The following DUS2 variants were observed in gnomAD, a reference collection of about 807,000 sequenced individuals.
The protein encoded by DUS2 is tRNA-dihydrouridine(20) synthase [NAD(P)+]-like.
Under a neutral mutation model 71.3 loss-of-function variants are expected in DUS2, and 52 were observed. The observed-to-expected ratio is 0.73, with a 90% CI of 0.58 to 0.92. The LOEUF (loss-of-function observed/expected upper bound fraction) is 0.92. Among genes scored for constraint, DUS2 ranks in the 40% least tolerant of loss-of-function variants. The pLI is 0.00. For missense variants in DUS2, 558 were observed against 622.6 expected, an observed-to-expected ratio of 0.90 and a Z score of 1.10; for synonymous variants, 204 against 227.8, an observed-to-expected ratio of 0.90 and a Z score of 0.94.
At chr16:68,040,364 T>C (rs956573703) in intron 3 of DUS2, among the ~76,000 whole-genome samples, 1 of 152,144 alleles carries the variant, frequency 6.6e-6, no homozygotes, top group East Asian at 1.9e-4. Flanking sequence ...ATTATAGGTG[T>C]GAGACACTGC....
chr16:68,034,690 A>G (rs534312757), intron 2 of DUS2, among the ~76,000 whole-genome samples: 2 of 152,218 alleles, frequency 1.3e-5, no homozygotes, highest in South Asian at 4.1e-4. Flanking sequence ...AGAGGAGACC[A>G]TATTTGGTTA....
At chr16:68,047,480 T>C (rs892343233) in intron 3 of DUS2, among the ~76,000 whole-genome samples, 3 of 152,032 alleles carry the variant, frequency 2.0e-5, no homozygotes, top group South Asian at 2.1e-4. Context: ...TTGTTGTTGT[T>C]GTCATTGTTG....
intron 2 of DUS2, 124 bp from the exon 3 acceptor site, chr16:68,037,882 A>G: frequency 9.8e-7 from 1 of 1,023,194 alleles, no homozygotes; most frequent in Non-Finnish European, 1.4e-6. Context: ...AACATAAACA[A>G]CCAACCAAAA....
intron 8 of DUS2, among the ~76,000 whole-genome samples, chr16:68,065,800 T>C (rs1484882728): frequency 1.3e-5 from 2 of 151,140 alleles, no homozygotes; most frequent in African/African-American, 2.4e-5. Flanking sequence ...CTTTTTTTCT[T>C]ACTTTTTTTT....
At chr16:68,073,965 C>G (rs1180884952) in intron 12 of DUS2, 69 bp from the exon 13 acceptor site, 2 of 1,593,040 alleles carry the variant, frequency 1.3e-6, no homozygotes, top group Non-Finnish European at 1.7e-6. Context: ...AGCTCCTTTC[C>G]CTGCCATCAG....
intron 3 of DUS2, among the ~76,000 whole-genome samples, chr16:68,042,611 G>A (rs1213949205): frequency 6.6e-6 from 1 of 152,200 alleles, no homozygotes; most frequent in Non-Finnish European, 1.5e-5. Flanking sequence ...CTGGGCTCAA[G>A]GGATCCTCCT....
intron 7 of DUS2, among the ~76,000 whole-genome samples, chr16:68,057,880 CAAAA>C (rs5817628): frequency 5.4e-5 from 5 of 92,114 alleles, no homozygotes; most frequent in Admixed American, 1.1e-4. Flanking sequence ...AAATCTGTCT[CAAAA>C]AAAAAAAAAA....
intron 3 of DUS2, among the ~76,000 whole-genome samples, chr16:68,049,081 A>G (rs534237619): frequency 2.6e-5 from 4 of 151,876 alleles, no homozygotes; most frequent in Admixed American, 6.6e-5. Context: ...CTTTGCTTCT[A>G]TTCTCTGGTT....
chr16:68,040,835 G>T (rs998914660), intron 3 of DUS2, among the ~76,000 whole-genome samples: 2 of 152,038 alleles, frequency 1.3e-5, no homozygotes, highest in Non-Finnish European at 2.9e-5. Flanking sequence ...TGGCGGGGGG[G>T]AGTTGATGTG....
intron 4 of DUS2, among the ~76,000 whole-genome samples, chr16:68,053,323 C>T (rs866802937): frequency 1.1e-4 from 16 of 152,224 alleles, no homozygotes; most frequent in African/African-American, 3.1e-4. Flanking sequence ...GCATTAAACA[C>T]AAACATGCAG....
At chr16:68,034,486 G>A (rs1454664169) in intron 2 of DUS2, among the ~76,000 whole-genome samples, 4 of 152,054 alleles carry the variant, frequency 2.6e-5, no homozygotes. Context: ...CCAAGTAACC[G>A]GGACTATAGG....
Position 68,025,502 on chromosome 16 carries a change from T to C in DUS2, c.-19+8T>C, listed in dbSNP as rs142083963. On this transcript the variant is annotated splice_region_variant and intron_variant, in intron 2 of 16. Coordinates refer to ENST00000565263, the MANE Select transcript of DUS2 (RefSeq NM_017803.5). The stretch of plus-strand genomic sequence containing the variant: ...ATCAGAACAAAATAATAGGTATGTA[T>C]ATGCATTTGGGTTTTTGGGTTTTGT... 1.6e-4 allele frequency: 25 copies of C among 152,284 alleles called. No individual in the cohort carries two copies. Among genetic ancestry groups the C allele is most frequent in the African/African-American group, 5.1e-4 (21 of 41,564 alleles). 9.4% of individuals were successfully genotyped at this position (152,284 alleles called of 1,614,324 possible). A position where few individuals can be genotyped will look rare whatever the true frequency, so the allele number is the denominator to read the frequency against.
In DUS2 at chr16:68,056,432, G is replaced by C. The variant is rs2033851997; in HGVS notation, c.369+8G>C. ...AAACAATATTCCACCAAGGTAAACT[G>C]GTTTCTTTATACTCCTCATAAACAT... On this transcript the variant is annotated splice_region_variant and intron_variant, in intron 7 of 16. Coordinates refer to ENST00000565263, the MANE Select transcript of DUS2 (RefSeq NM_017803.5). The C allele has an allele frequency of 6.2e-7, 1 of 1,610,672 alleles. No homozygotes were observed. The highest frequency in any genetic ancestry group is 1.3e-5 in the African/African-American group (1 of 74,932).
intron 2 of DUS2, among the ~76,000 whole-genome samples, chr16:68,025,811 A>G (rs966689625): frequency 6.6e-6 from 1 of 152,146 alleles, no homozygotes; most frequent in African/African-American, 2.4e-5. Context: ...AAAAAAATCT[A>G]AGCTCCTGAG....
At position 68,045,551 on chromosome 16, in the gene DUS2, C is replaced by T. The variant is rs539307853; in HGVS notation, c.127-3954C>T. 5.3e-5 allele frequency among the ~76,000 whole-genome samples: 8 copies of T among 150,792 alleles called. No homozygotes were observed. The South Asian group carries it at 1.5e-3, about 28-fold the overall frequency. On this transcript the variant is annotated intron_variant, in intron 3 of 16. Coordinates refer to ENST00000565263, the MANE Select transcript of DUS2 (RefSeq NM_017803.5). ...GCTCGAACCCAGGAGGTGGAGGTTG[C>T]AGTGAGCCGAGATCACGCCACTGCA...
chr16:68,052,341 T>C (rs1225224525), intron 4 of DUS2, among the ~76,000 whole-genome samples: 1 of 152,196 alleles, frequency 6.6e-6, no homozygotes, highest in Non-Finnish European at 1.5e-5. Context: ...ATCACCTTGT[T>C]TGACCTCAGC....
At chr16:68,053,295 C>A (rs1173530033) in intron 4 of DUS2, among the ~76,000 whole-genome samples, 2 of 152,112 alleles carry the variant, frequency 1.3e-5, no homozygotes, top group Non-Finnish European at 2.9e-5. Context: ...AAAATGTTAA[C>A]CACCATTCAG....
At chr16:68,050,196 G>A (rs12598274) in intron 4 of DUS2, among the ~76,000 whole-genome samples, 19,381 of 151,702 alleles carry the variant, frequency 0.13, 1,335 homozygotes, top group South Asian at 0.19. Context: ...TGAGTGCAAC[G>A]GCGCGGTCTT....
intron 2 of DUS2, among the ~76,000 whole-genome samples, chr16:68,032,553 G>A (rs76053696): frequency 0.04 from 6,126 of 152,286 alleles, 371 homozygotes; most frequent in African/African-American, 0.13. Context: ...CACAAAGGGG[G>A]CATTCAAGGA....
Sources: allele counts gnomAD v4.1 joint callset (sites outside exome capture counted in the v4.1 genomes callset), GRCh38; gene constraint gnomAD v4.1.1; transcripts MANE v1.5; gene names NCBI Gene and HGNC (gene_info 2026-07-23, HGNC 2026-07-21).